The following XYLT1 variants were observed in gnomAD, a reference collection of about 807,000 sequenced individuals.
XYLT1 encodes the protein xylosyltransferase 1, also known as beta-D-xylosyltransferase 1.
A neutral mutation model predicts 91.3 loss-of-function variants in XYLT1; 36 were observed. The observed-to-expected ratio is 0.39, with a 90% CI of 0.30 to 0.52. The LOEUF (loss-of-function observed/expected upper bound fraction) is 0.52. Ranked by LOEUF, XYLT1 falls within the 20% of genes least tolerant of loss-of-function variation. The pLI, the probability that XYLT1 is intolerant of heterozygous loss-of-function variation, is 0.68. For synonymous variants in XYLT1, 588 were observed against 532.0 expected, an observed-to-expected ratio of 1.11 and a Z score of -1.45; for missense variants, 1,242 against 1,284.5, an observed-to-expected ratio of 0.97 and a Z score of 0.51.
intron 1 of XYLT1, among the ~76,000 whole-genome samples, chr16:17,435,386 G>A (rs2036443681): frequency 6.6e-6 from 1 of 152,126 alleles, no homozygotes; most frequent in South Asian, 2.1e-4. Context: ...AAGGCACACT[G>A]TCCCCTCACC....
rs1005873829 is a variant in XYLT1, at chr16:17,325,602, A to G, written c.402+32410T>C. ...CACATACACGGAAAAGAAGACTGGAAAAAAACATACAAAAAGCTGGCATGG... is the reference window on the plus strand; with the variant it reads ...CACATACACGGAAAAGAAGACTGGAGAAAAACATACAAAAAGCTGGCATGG... On this transcript the variant is annotated intron_variant, in intron 2 of 11. Transcript: ENST00000261381. Among the ~76,000 whole-genome samples, 3 of 152,218 alleles carry G rather than the reference A, an allele frequency of 2.0e-5. No homozygotes were observed. The East Asian group carries it at 5.8e-4, about 29-fold the overall frequency.
At chr16:17,374,096 G>A (rs1212987530) in intron 1 of XYLT1, among the ~76,000 whole-genome samples, 2 of 152,180 alleles carry the variant, frequency 1.3e-5, no homozygotes, top group Admixed American at 6.5e-5. Context: ...GGCTGCCAAA[G>A]AATGAGTGAG....
chr16:17,301,710 C>T (rs2034398445), intron 2 of XYLT1, among the ~76,000 whole-genome samples: 1 of 152,138 alleles, frequency 6.6e-6, no homozygotes, highest in Non-Finnish European at 1.5e-5. Context: ...CATCAGACTC[C>T]ACCGCAACAA....
intron 2 of XYLT1, among the ~76,000 whole-genome samples, chr16:17,337,683 C>T (rs1332078471): frequency 6.6e-6 from 1 of 151,990 alleles, no homozygotes; most frequent in African/African-American, 2.4e-5. Context: ...CCCTTGTCTC[C>T]GAGAATTCCT....
intron 2 of XYLT1, among the ~76,000 whole-genome samples, chr16:17,333,946 A>C (rs1333382153): frequency 6.6e-6 from 1 of 152,124 alleles, no homozygotes; most frequent in Non-Finnish European, 1.5e-5. Context: ...TTAGGAGGTG[A>C]TCAGGCCAGA....
At chr16:17,287,220 C>G (rs914602022) in intron 2 of XYLT1, among the ~76,000 whole-genome samples, 1 of 152,072 alleles carries the variant, frequency 6.6e-6, no homozygotes, top group African/African-American at 2.4e-5. Flanking sequence ...CATGTAGATG[C>G]TCCATCACCC....
intron 1 of XYLT1, among the ~76,000 whole-genome samples, chr16:17,404,110 G>A (rs966808539): frequency 1.3e-5 from 2 of 149,520 alleles, no homozygotes; most frequent in African/African-American, 2.5e-5. Context: ...TGGGGGGGGG[G>A]CTCAGGGAGG....
At chr16:17,285,638 AG>A (rs993107450) in intron 2 of XYLT1, among the ~76,000 whole-genome samples, 6 of 152,142 alleles carry the variant, frequency 3.9e-5, no homozygotes, top group Non-Finnish European at 5.9e-5. Flanking sequence ...CAGGAATGCC[AG>A]GCCCTTCACC....
intron 1 of XYLT1, chr16:17,445,996 C>T (rs2036586485): frequency 6.6e-6 from 1 of 152,242 alleles, no homozygotes; most frequent in Non-Finnish European, 1.5e-5. Flanking sequence ...CAGCTGGAAA[C>T]TCAGGCTCGG....
At chr16:17,204,903 C>A (rs1381450053) in intron 3 of XYLT1, among the ~76,000 whole-genome samples, 1 of 141,030 alleles carries the variant, frequency 7.1e-6, no homozygotes, top group East Asian at 2.1e-4. Context: ...GTGGTCAGAG[C>A]TATGTGGGTC....
At chr16:17,115,800 TAAA>T (rs71137969) in intron 11 of XYLT1, among the ~76,000 whole-genome samples, 18 of 50,316 alleles carry the variant, frequency 3.6e-4, no homozygotes, top group South Asian at 1.4e-3. Flanking sequence ...TCTGTTATAT[TAAA>T]AAAAAAAAAA....
chr16:17,369,873 T>A (rs2035506501), intron 1 of XYLT1: 1 of 152,130 alleles, frequency 6.6e-6, no homozygotes, highest in Non-Finnish European at 1.5e-5. Context: ...CTCCTAGCTC[T>A]CTCGGAAGGA....
At chr16:17,429,617 C>T (rs947289515) in intron 1 of XYLT1, among the ~76,000 whole-genome samples, 11 of 152,134 alleles carry the variant, frequency 7.2e-5, no homozygotes, top group South Asian at 4.1e-4. Flanking sequence ...TGTTTCTGGA[C>T]GAGATTAACA....
intron 2 of XYLT1, among the ~76,000 whole-genome samples, chr16:17,262,212 C>A (rs1301444620): frequency 6.6e-6 from 1 of 152,186 alleles, no homozygotes; most frequent in Non-Finnish European, 1.5e-5. Context: ...CACTATGGAT[C>A]ACGTGCTAGG....
intron 1 of XYLT1, among the ~76,000 whole-genome samples, chr16:17,454,436 G>A (rs1365720911): frequency 6.6e-6 from 1 of 152,126 alleles, no homozygotes; most frequent in Non-Finnish European, 1.5e-5. Context: ...AGTCTTTGTT[G>A]CAACTACTCA....
At chr16:17,379,818 A>G (rs993609086) in intron 1 of XYLT1, among the ~76,000 whole-genome samples, 1 of 151,172 alleles carries the variant, frequency 6.6e-6, no homozygotes, top group African/African-American at 2.4e-5. Context: ...AGAGCCAGAC[A>G]TTCACTCTCA....
chr16:17,243,605 C>T (rs141009857), intron 3 of XYLT1, among the ~76,000 whole-genome samples: 1 of 152,274 alleles, frequency 6.6e-6, no homozygotes, highest in Non-Finnish European at 1.5e-5. Flanking sequence ...GCACAAGGTC[C>T]CGAGTGAGGG....
intron 1 of XYLT1, among the ~76,000 whole-genome samples, chr16:17,442,292 TG>T (rs2036541154): frequency 6.6e-6 from 1 of 152,222 alleles, no homozygotes. Flanking sequence ...GTTGTTTCTC[TG>T]GAGAACCCTG....
intron 5 of XYLT1, among the ~76,000 whole-genome samples, chr16:17,171,320 A>T (rs1301485266): frequency 6.6e-6 from 1 of 152,202 alleles, no homozygotes; most frequent in Non-Finnish European, 1.5e-5. Flanking sequence ...CTTGAAGGAC[A>T]GTTGATAGTG....
Sources: gnomAD v4.1 joint callset for allele counts (sites outside exome capture counted in the v4.1 genomes callset) on GRCh38, gnomAD v4.1.1 for gene constraint, MANE v1.5 for transcripts, NCBI Gene and HGNC (gene_info 2026-07-23, HGNC 2026-07-21) for gene names.